Variants in ATP2A3 observed in about 807,000 individuals in gnomAD.
The protein encoded by ATP2A3 is sarcoplasmic/endoplasmic reticulum calcium ATPase 3.
In ATP2A3, 61 loss-of-function variants were observed where a neutral mutation model predicts 106.8. The ratio of observed to expected loss-of-function variants is 0.57; its 90% confidence interval spans 0.46 to 0.71. ATP2A3 has a LOEUF of 0.71. Among genes scored for constraint, ATP2A3 ranks in the 30% least tolerant of loss-of-function variants. The pLI is 0.00. For missense variants in ATP2A3, 1,201 were observed against 1,423.5 expected (o/e 0.84, Z 2.52); for synonymous variants, 611 against 609.3 (o/e 1.00, Z -0.04).
At chr17:3,931,912 T>C (rs1334255267) in intron 17 of ATP2A3, among the ~76,000 whole-genome samples, 1 of 152,242 alleles carries the variant, frequency 6.6e-6, no homozygotes, top group East Asian at 1.9e-4. Flanking sequence ...TCTGATCTAC[T>C]GTCTGTCGCA....
chr17:3,935,300 G>C, intron 16 of ATP2A3, 23 bp from the exon 17 acceptor site: 1 of 1,607,060 alleles, frequency 6.2e-7, no homozygotes, highest in Non-Finnish European at 8.5e-7. Context: ...GAGGAGACCG[G>C]CTGTAGAGAA....
At position 3,953,122 on chromosome 17, in the gene ATP2A3, G is replaced by A. The variant is rs2054550067; in HGVS notation, c.219+225C>T. Among the ~76,000 whole-genome samples the A allele has an allele frequency of 6.6e-6, 1 of 152,200 alleles. No homozygotes were observed. Among genetic ancestry groups the A allele is most frequent in the South Asian group, 2.1e-4 (1 of 4,834 alleles). The stretch of plus-strand genomic sequence containing the variant: ...GAGCTCGCTGAGAGCCAGAGGATAA[G>A]ATGGATTGGAGGGGTCAGGTGGGAG... On this transcript the variant is annotated intron_variant, in intron 3 of 20. Transcript: ENST00000397041. The surrounding 1 kb of genome is among the most constrained non-coding windows in gnomAD (Gnocchi z 5.1).
intron 1 of ATP2A3, among the ~76,000 whole-genome samples, chr17:3,960,446 G>A (rs527248504): frequency 1.9e-3 from 283 of 152,320 alleles, no homozygotes; most frequent in African/African-American, 6.2e-3. Flanking sequence ...GCTTCTGCCC[G>A]GCCTGCCAGC....
Position 3,944,709 on chromosome 17 carries a change from T to C in ATP2A3, c.1282A>G (p.Asn428Asp), listed in dbSNP as rs1322604223. 6.2e-7 allele frequency: 1 copy of C among 1,613,022 alleles called. No homozygotes were observed. Residue 428 changes from asparagine (N) to aspartate (D), a missense_variant, in exon 10 of 21, where the codon AAC becomes GAC. Asn to Asp is a conservative substitution (Grantham distance 23). Transcript: ENST00000397041. ...TGAAAGGGGGTGAGGCCCACCTCGT[T>C]GTAGTCCAGAGCCGAGTCGTTGCAC... ...ALCNDSALDY[N>D]EAKGVYEKVG...
Position 3,953,827 on chromosome 17 carries a change from C to T in ATP2A3, c.119-117G>A, listed in dbSNP as rs1055004456. The T allele has an allele frequency of 1.3e-5, 15 of 1,112,762 alleles. No individual in the cohort carries two copies. The highest frequency in any genetic ancestry group is 5.1e-5 in the East Asian group (2 of 38,894). The allele number at this position is 1,112,762 out of a possible 1,614,324, so 68.9% of individuals were successfully genotyped here. A position where few individuals can be genotyped will look rare whatever the true frequency, so the allele number is the denominator to read the frequency against. Reference sequence around the variant, plus strand: ...ACCGTGCCCGCCCAGACCCCCACCACGGACTGGATGTATCCCCAGGGCTCT... The same window carrying T: ...ACCGTGCCCGCCCAGACCCCCACCATGGACTGGATGTATCCCCAGGGCTCT... On this transcript the variant is annotated intron_variant, in intron 1 of 20. Transcript: ENST00000397041. The surrounding 1 kb of genome is among the most constrained non-coding windows in gnomAD (Gnocchi z 5.1).
intron 17 of ATP2A3, among the ~76,000 whole-genome samples, chr17:3,931,095 G>A (rs1159415437): frequency 5.9e-5 from 9 of 151,328 alleles, no homozygotes; most frequent in Non-Finnish European, 1.3e-4. Flanking sequence ...AGCAGAGATC[G>A]CGTCACTGCA....
At chr17:3,927,057 C>A (rs1437510378) in intron 20 of ATP2A3, 1 of 985,366 alleles carries the variant, frequency 1.0e-6, no homozygotes, top group East Asian at 1.1e-4. Flanking sequence ...CTGTGCTCAC[C>A]CAGCCCTGTT....
In ATP2A3 at chr17:3,928,024, G is replaced by A. The variant is rs199505513; in HGVS notation, c.2980+639C>T. ...TGAGCAGCTCTGACAGCGAGACGAT[G>A]CTGTGTCCCTGGCCCTTGGAAGTTC... On this transcript the variant is annotated intron_variant, in intron 20 of 20. Transcript: ENST00000397041. The surrounding 1 kb of genome is among the most constrained non-coding windows in gnomAD (Gnocchi z 6.1). The A allele has an allele frequency of 6.2e-7, 1 of 1,614,062 alleles. No individual in the cohort carries two copies. The highest frequency in any genetic ancestry group is 8.5e-7 in the Non-Finnish European group (1 of 1,180,020).
intron 1 of ATP2A3, among the ~76,000 whole-genome samples, chr17:3,956,453 A>G (rs2054787115): frequency 6.6e-6 from 1 of 152,342 alleles, no homozygotes; most frequent in East Asian, 1.9e-4. Flanking sequence ...CTGTGAGAGC[A>G]GAAGTATCCT....
chr17:3,930,165 C>G lies in ATP2A3; in HGVS notation c.2744+136G>C. ...TGATACTGGAACCCCCAGCCCTCAG[C>G]CCCCACTCCTCGGCCCCAGCTCCAG... On this transcript the variant is annotated intron_variant, in intron 18 of 20. Coordinates refer to ENST00000397041, the MANE Select transcript of ATP2A3 (RefSeq NM_005173.4). The surrounding 1 kb of genome is among the most constrained non-coding windows in gnomAD (Gnocchi z 5.4). The G allele has an allele frequency of 7.9e-7, 1 of 1,270,620 alleles. No homozygotes were observed. Among genetic ancestry groups the G allele is most frequent in the Non-Finnish European group, 1.1e-6 (1 of 928,348 alleles). The allele number at this position is 1,270,620 out of a possible 1,614,324, so 78.7% of individuals were successfully genotyped here. A position where few individuals can be genotyped will look rare whatever the true frequency, so the allele number is the denominator to read the frequency against.
chr17:3,927,039 G>A (rs914310977), intron 20 of ATP2A3: 9 of 985,332 alleles, frequency 9.1e-6, no homozygotes, highest in Non-Finnish European at 1.1e-5. Flanking sequence ...CATGCTGAGT[G>A]TCAACATCTG....
chr17:3,941,992 G>C (rs756377765), intron 12 of ATP2A3, among the ~76,000 whole-genome samples: 7 of 152,172 alleles, frequency 4.6e-5, no homozygotes, highest in Non-Finnish European at 1.0e-4. Context: ...CTGCTTCCCT[G>C]GTGCTACTCG....
At position 3,941,060 on chromosome 17, in the gene ATP2A3, G is replaced by C. The variant is rs776418170; in HGVS notation, c.2011C>G (p.Arg671Gly). 5.0e-6 allele frequency: 8 copies of C among 1,613,508 alleles called. No homozygotes were observed. The South Asian group carries it at 7.7e-5, about 16-fold the overall frequency. ...ACGCGGGCGAAGCAGCGGGCGGTGC[G>C]GCAGGCCTGGCGCTGCTGCTCGGGG... is the stretch of plus-strand genomic sequence containing the variant. ...LSPEQQRQAC[R>G]TARCFARVEP... The change falls in exon 14 of 21, where the codon CGC becomes GGC. Residue 671 changes from arginine to glycine, a missense_variant. Coordinates refer to ENST00000397041, the MANE Select transcript of ATP2A3 (RefSeq NM_005173.4).
chr17:3,953,221 A>C lies in ATP2A3; in HGVS notation c.219+126T>G. On this transcript the variant is annotated intron_variant, in intron 3 of 20. Transcript: ENST00000397041. The surrounding 1 kb of genome is among the most constrained non-coding windows in gnomAD (Gnocchi z 5.1). ...AGTCTGAGCAGGGCAGGGCCAGGGA[A>C]GGCCAGGGCGCAGGCCCAGGGTGTG... 1 of 1,081,456 alleles carries C rather than the reference A, an allele frequency of 9.2e-7. No homozygotes were observed. The highest frequency in any genetic ancestry group is 1.4e-6 in the Non-Finnish European group (1 of 700,220). 67.0% of individuals were successfully genotyped at this position (1,081,456 alleles called of 1,614,324 possible).
At chr17:3,943,829 C>G (rs1444049603) in intron 10 of ATP2A3, among the ~76,000 whole-genome samples, 1 of 152,178 alleles carries the variant, frequency 6.6e-6, no homozygotes, top group African/African-American at 2.4e-5. Flanking sequence ...CACCCTCCCA[C>G]CTGCTCTCCC....
In ATP2A3 at chr17:3,951,213, A is replaced by T. The variant is rs199584767; in HGVS notation, c.463+38T>A. 162 of 1,270,842 alleles carry T rather than the reference A, an allele frequency of 1.3e-4. No homozygotes were observed. The African/African-American group carries it at 2.3e-3, about 18-fold the overall frequency. 78.7% of individuals were successfully genotyped at this position (1,270,842 alleles called of 1,614,324 possible). On this transcript the variant is annotated intron_variant, in intron 5 of 20. Transcript: ENST00000397041. ...AAATAAATAAAATAAATAAATAAAT[A>T]AAATAAAATAAAATAAAAGGAGGAG...
chr17:3,941,806 G>A (rs377598126), intron 12 of ATP2A3, 152 bp from the exon 13 acceptor site: 13 of 828,418 alleles, frequency 1.6e-5, no homozygotes, highest in Admixed American at 8.3e-5. Context: ...TTCACTGAAA[G>A]TTCAGAATGA....
Position 3,944,817 on chromosome 17 carries a change from G to C in ATP2A3, c.1185-11C>G, listed in dbSNP as rs111431396. 3.1e-6 allele frequency: 5 copies of C among 1,602,514 alleles called. No homozygotes were observed. The highest frequency in any genetic ancestry group is 3.4e-5 in the Admixed American group (2 of 58,878). On this transcript the variant is annotated splice_polypyrimidine_tract_variant and intron_variant, in intron 9 of 20. Coordinates refer to ENST00000397041, the MANE Select transcript of ATP2A3 (RefSeq NM_005173.4). ...TGATCCCCCTGCCGCCTGCGGAGCCGGGGCGGTCACCAGGAGGACCTCGGC... is the reference window on the plus strand; with the variant it reads ...TGATCCCCCTGCCGCCTGCGGAGCCCGGGCGGTCACCAGGAGGACCTCGGC...
At chr17:3,962,257 C>T (rs1381944172) in intron 1 of ATP2A3, among the ~76,000 whole-genome samples, 1 of 152,234 alleles carries the variant, frequency 6.6e-6, no homozygotes, top group Non-Finnish European at 1.5e-5. Context: ...GTGCCAGCTC[C>T]ACCACCTACT....
Sources: gnomAD v4.1 joint callset for allele counts (sites outside exome capture counted in the v4.1 genomes callset) on GRCh38, gnomAD v4.1.1 for gene constraint, Gnocchi (gnomAD v3.1) non-coding constraint, MANE v1.5 for transcripts, NCBI Gene and HGNC (gene_info 2026-07-23, HGNC 2026-07-21) for gene names.